The following EYS variants were observed in gnomAD, a reference collection of about 807,000 sequenced individuals.
EYS encodes EGF-like photoreceptor maintenance factor.
EYS carries 250 observed loss-of-function variants against 282.1 expected under a neutral mutation model. The ratio of observed to expected loss-of-function variants is 0.89; its 90% confidence interval spans 0.80 to 0.98. The LOEUF (loss-of-function observed/expected upper bound fraction) is 0.98. Among genes scored for constraint, EYS ranks in the 50% least tolerant of loss-of-function variants. The pLI, the probability that EYS is intolerant of heterozygous loss-of-function variation, is 0.00. For synonymous variants in EYS, 1,355 were observed against 1,282.9 expected (o/e 1.06, Z -1.20); for missense variants, 4,016 against 3,709.0 (o/e 1.08, Z -2.15).
In EYS at chr6:65,569,949, A is replaced by ATG. The variant is rs1270213885; in HGVS notation, c.-333+69828_-333+69829insCA. On this transcript the variant is annotated intron_variant, in intron 2 of 42. Transcript: ENST00000503581. Reference sequence around the variant, plus strand: ...AATCAGCTCAATCTAGGCAGCAGGCAAAATGAACCTGTTGAGTGGTTACAC... The same window carrying ATG: ...AATCAGCTCAATCTAGGCAGCAGGCATGAAATGAACCTGTTGAGTGGTTACAC... Among the ~76,000 whole-genome samples, 775 of 152,224 alleles carry ATG rather than the reference A, an allele frequency of 5.1e-3. 4 individuals are homozygous for ATG. Among genetic ancestry groups the ATG allele is most frequent in the African/African-American group, 0.017 (706 of 41,540 alleles).
At chr6:64,391,631 A>C (rs2150427849) in intron 28 of EYS, among the ~76,000 whole-genome samples, 1 of 152,298 alleles carries the variant, frequency 6.6e-6, no homozygotes. Context: ...GGAAGCGCTA[A>C]ACATGGAAAG....
At chr6:64,968,832 C>T (rs956393760) in intron 14 of EYS, among the ~76,000 whole-genome samples, 1 of 152,104 alleles carries the variant, frequency 6.6e-6, no homozygotes, top group African/African-American at 2.4e-5. Flanking sequence ...TGCCTAGGAC[C>T]TGTCCTTACC....
intron 5 of EYS, among the ~76,000 whole-genome samples, chr6:65,427,543 A>C (rs1313802585): frequency 6.6e-6 from 1 of 152,126 alleles, no homozygotes; most frequent in Non-Finnish European, 1.5e-5. Flanking sequence ...AAATATGTAC[A>C]TAAAAAATAG....
At chr6:64,340,090 T>C (rs73451155) in intron 29 of EYS, among the ~76,000 whole-genome samples, 266 of 151,760 alleles carry the variant, frequency 1.8e-3, no homozygotes, top group African/African-American at 6.1e-3. Context: ...CGTATGCACA[T>C]TTAACAATTT....
intron 12 of EYS, among the ~76,000 whole-genome samples, chr6:65,199,819 C>T (rs1035935891): frequency 6.6e-6 from 1 of 152,002 alleles, no homozygotes; most frequent in South Asian, 2.1e-4. Flanking sequence ...TACACCTAGT[C>T]ATCATTTGAA....
intron 22 of EYS, among the ~76,000 whole-genome samples, chr6:64,803,360 G>A (rs1211328293): frequency 6.6e-6 from 1 of 151,446 alleles, no homozygotes; most frequent in African/African-American, 2.4e-5. Context: ...GGCTGAGTAG[G>A]GGGACTGAAG....
At chr6:65,333,526 G>T (rs1236405151) in intron 11 of EYS, among the ~76,000 whole-genome samples, 2 of 151,558 alleles carry the variant, frequency 1.3e-5, no homozygotes, top group African/African-American at 2.4e-5. Flanking sequence ...TGGGTAATGT[G>T]TTTTATAGCT....
Position 64,111,801 on chromosome 6 carries a change from A to C in EYS, c.6425-29799T>G, listed in dbSNP as rs553600300. Among the ~76,000 whole-genome samples, 3 of 152,158 alleles carry C rather than the reference A, an allele frequency of 2.0e-5. No homozygotes were observed. The East Asian group carries it at 5.8e-4, about 29-fold the overall frequency. On this transcript the variant is annotated intron_variant, in intron 31 of 42. Transcript: ENST00000503581. ...TTATCCAGATTTAAATTCTGGTTGA[A>C]AGTCCTGTGAAATGGTAGAGAAGAA...
chr6:65,379,349 G>T (rs1765523504), intron 8 of EYS, among the ~76,000 whole-genome samples: 1 of 152,028 alleles, frequency 6.6e-6, no homozygotes. Flanking sequence ...CACATAAACA[G>T]AACCAATGAC....
intron 2 of EYS, among the ~76,000 whole-genome samples, chr6:65,531,852 C>T (rs570241204): frequency 3.3e-5 from 5 of 152,194 alleles, no homozygotes; most frequent in African/African-American, 7.2e-5. Flanking sequence ...TTTGTTTCAT[C>T]GGTAATATAT....
intron 26 of EYS, among the ~76,000 whole-genome samples, chr6:64,577,052 T>A (rs1482181892): frequency 6.6e-6 from 1 of 152,006 alleles, no homozygotes; most frequent in African/African-American, 2.4e-5. Context: ...CAGCTACAAG[T>A]CAAGAAACAT....
At chr6:65,378,734 G>A (rs2150347675) in intron 8 of EYS, among the ~76,000 whole-genome samples, 1 of 152,210 alleles carries the variant, frequency 6.6e-6, no homozygotes, top group Admixed American at 6.5e-5. Flanking sequence ...GTTCTTTGCA[G>A]GGACATGGAT....
chr6:64,242,145 C>G (rs1204385159), intron 30 of EYS, among the ~76,000 whole-genome samples: 1 of 151,900 alleles, frequency 6.6e-6, no homozygotes, highest in Non-Finnish European at 1.5e-5. Flanking sequence ...GTTCTGTTGA[C>G]TTGGAGTGGA....
intron 36 of EYS, among the ~76,000 whole-genome samples, chr6:63,813,686 T>C (rs537730884): frequency 2.0e-4 from 30 of 152,278 alleles, no homozygotes; most frequent in Middle Eastern, 6.8e-3. Context: ...CTGTTTTCTA[T>C]GTAGGCTGCT....
chr6:64,878,997 A>T (rs887681124), intron 19 of EYS, among the ~76,000 whole-genome samples: 2 of 152,148 alleles, frequency 1.3e-5, no homozygotes, highest in Non-Finnish European at 2.9e-5. Context: ...TTTTGTTTGC[A>T]TTATAGAATT....
chr6:64,634,203 C>T (rs940351137), intron 22 of EYS, among the ~76,000 whole-genome samples: 6 of 152,166 alleles, frequency 3.9e-5, no homozygotes, highest in Admixed American at 6.6e-5. Flanking sequence ...AGCATGATCT[C>T]GATCTCTTCA....
intron 22 of EYS, among the ~76,000 whole-genome samples, chr6:64,742,454 G>A (rs1055016375): frequency 4.6e-5 from 7 of 152,110 alleles, no homozygotes; most frequent in Non-Finnish European, 1.0e-4. Flanking sequence ...TGGCAAAAAT[G>A]GTGTCAATAA....
At chr6:65,516,770 A>G (rs1201255929) in intron 2 of EYS, among the ~76,000 whole-genome samples, 1 of 152,046 alleles carries the variant, frequency 6.6e-6, no homozygotes, top group African/African-American at 2.4e-5. Context: ...CTTTTCTCCA[A>G]AATTCTCTAA....
At chr6:65,130,820 G>C (rs1247011921) in intron 12 of EYS, among the ~76,000 whole-genome samples, 1 of 147,372 alleles carries the variant, frequency 6.8e-6, no homozygotes, top group African/African-American at 2.5e-5. Flanking sequence ...AAAAGAAAAA[G>C]TACATCCCCA....
Sources: allele counts gnomAD v4.1 joint callset (sites outside exome capture counted in the v4.1 genomes callset), GRCh38; gene constraint gnomAD v4.1.1; transcripts MANE v1.5; gene names NCBI Gene and HGNC (gene_info 2026-07-23, HGNC 2026-07-21).